SYNE2: variants seen among roughly 807,000 people sequenced by gnomAD.
The protein encoded by SYNE2 is spectrin repeat containing nuclear envelope protein 2.
SYNE2 carries 431 observed loss-of-function variants against 856.3 expected under a neutral mutation model. The observed-to-expected ratio is 0.50, with a 90% CI of 0.47 to 0.55. SYNE2 has a LOEUF of 0.55. SYNE2 is among the 20% of genes least tolerant of loss of function. The pLI, the probability that SYNE2 is intolerant of heterozygous loss-of-function variation, is 0.00. For synonymous variants in SYNE2, 2,923 were observed against 2,872.3 expected, an observed-to-expected ratio of 1.02 and a Z score of -0.56; for missense variants, 8,129 against 8,023.2, an observed-to-expected ratio of 1.01 and a Z score of -0.50.
At chr14:63,894,082 T>G (rs2095200155) in intron 1 of SYNE2, among the ~76,000 whole-genome samples, 1 of 152,220 alleles carries the variant, frequency 6.6e-6, no homozygotes, top group Non-Finnish European at 1.5e-5. Flanking sequence ...TATTTGTTTC[T>G]TTTCAGTTCT....
intron 2 of SYNE2, among the ~76,000 whole-genome samples, chr14:63,929,707 G>T (rs935808066): frequency 6.6e-6 from 1 of 151,494 alleles, no homozygotes; most frequent in Non-Finnish European, 1.5e-5. Flanking sequence ...GGAGGCGGAG[G>T]TTGCAGTGAG....
chr14:64,147,222 C>G (rs2098195424), intron 84 of SYNE2, among the ~76,000 whole-genome samples: 1 of 152,196 alleles, frequency 6.6e-6, no homozygotes, highest in East Asian at 1.9e-4. Context: ...GCCAGTCTGT[C>G]TCGGTCAGGC....
At position 64,054,045 on chromosome 14, in the gene SYNE2, C is replaced by T. The variant is rs201222716; in HGVS notation, c.9744+388C>T. Among the ~76,000 whole-genome samples the T allele has an allele frequency of 1.1e-4, 17 of 152,244 alleles. No individual in the cohort carries two copies. The East Asian group carries it at 3.3e-3, about 29-fold the overall frequency. ...TTTTATTTTGTGATTTTCTGTTTTG[C>T]TAATGTCTGTAATTCCAAAGAAGCT... On this transcript the variant is annotated intron_variant, in intron 48 of 115. Transcript: ENST00000555002.
chr14:64,061,396 A>G (rs897053850), intron 49 of SYNE2, among the ~76,000 whole-genome samples: 1 of 152,348 alleles, frequency 6.6e-6, no homozygotes, highest in East Asian at 1.9e-4. Flanking sequence ...GTAAATATCT[A>G]GGAGTGTGAT....
chr14:63,782,194 C>T (rs995770873), intron 1 of SYNE2, among the ~76,000 whole-genome samples: 21 of 150,852 alleles, frequency 1.4e-4, no homozygotes, highest in African/African-American at 5.1e-4. Context: ...TGATTGGGGG[C>T]CAGGCACAGT....
At position 64,070,924 on chromosome 14, in the gene SYNE2, A is replaced by G; in HGVS notation, c.10697+14A>G. 6.2e-7 allele frequency: 1 copy of G among 1,614,044 alleles called. No individual in the cohort carries two copies. Among genetic ancestry groups the G allele is most frequent in the Non-Finnish European group, 8.5e-7 (1 of 1,179,902 alleles). The stretch of plus-strand genomic sequence containing the variant: ...ACGATGCAACAAGTAAGATTTATGA[A>G]AAACTATTAAGGACGTGTGCTTGAC... On this transcript the variant is annotated intron_variant, in intron 52 of 115. Transcript: ENST00000555002.
chr14:64,116,706 G>A lies in SYNE2; in HGVS notation c.12841-2721G>A, dbSNP rs140906963. ...GCCGAGATTACAGGCATGAGCCACC[G>A]TGCCCGGCCAGTACCATTACTTTTA... is the stretch of plus-strand genomic sequence containing the variant. On this transcript the variant is annotated intron_variant, in intron 66 of 115. Transcript: ENST00000555002. 3.5e-3 allele frequency among the ~76,000 whole-genome samples: 532 copies of A among 152,262 alleles called. 3 individuals carry two copies. The highest frequency in any genetic ancestry group is 0.027 in the Middle Eastern group (8 of 294).
chr14:64,163,570 A>G lies in SYNE2; in HGVS notation c.16468A>G (p.Asn5490Asp), dbSNP rs776258589. Residue 5490 changes from asparagine to aspartate, a missense_variant, in exon 89 of 116, where the codon AAT becomes GAT. Asn to Asp is a conservative substitution (Grantham distance 23). Transcript: ENST00000555002. ...GGAAAAGATGCTGCTTGTGAAAGCA[A>G]ATGAATTTGAGGTTCATCTTTTCTT... is the stretch of plus-strand genomic sequence containing the variant. ...YLEKMLLVKA[N>D]EFEFVLSQFK... 6.2e-7 allele frequency: 1 copy of G among 1,614,132 alleles called. No homozygotes were observed. Among genetic ancestry groups the G allele is most frequent in the Non-Finnish European group, 8.5e-7 (1 of 1,180,028 alleles).
In SYNE2 at chr14:63,924,832, GTGTTTTTTTTT is replaced by G. The variant is rs1462487524; in HGVS notation, c.79+15607_79+15617del. Among the ~76,000 whole-genome samples, 202 of 92,850 alleles carry G rather than the reference GTGTTTTTTTTT, an allele frequency of 2.2e-3. 9 individuals carry two copies. The highest frequency in any genetic ancestry group is 7.8e-3 in the African/African-American group (173 of 22,192). The allele number at this position is 92,850 out of a possible 152,430, so 60.9% of individuals were successfully genotyped here. A position where few individuals can be genotyped will look rare whatever the true frequency, so the allele number is the denominator to read the frequency against. On this transcript the variant is annotated intron_variant, in intron 2 of 115. Coordinates refer to ENST00000555002, the MANE Select transcript of SYNE2 (RefSeq NM_182914.3). Reference sequence around the variant, plus strand: ...TTTAACTTTTTTCCTTCCAGCCTTGGTGTTTTTTTTTTTTTTTTTTTTTTTTTTTTTGCCTT... The same window carrying G: ...TTTAACTTTTTTCCTTCCAGCCTTGGTTTTTTTTTTTTTTTTTTTTGCCTT...
intron 96 of SYNE2, among the ~76,000 whole-genome samples, chr14:64,178,330 A>G (rs2098443774): frequency 6.6e-6 from 1 of 152,224 alleles, no homozygotes; most frequent in Non-Finnish European, 1.5e-5. Flanking sequence ...AAAAGTATAC[A>G]CACAGTTCAA....
intron 52 of SYNE2, among the ~76,000 whole-genome samples, chr14:64,071,267 G>A (rs1407134401): frequency 1.3e-5 from 2 of 152,102 alleles, no homozygotes; most frequent in African/African-American, 4.8e-5. Context: ...GGCTGAGGCG[G>A]GCAGATCACG....
chr14:64,095,994 G>A (rs1328666181), intron 61 of SYNE2, among the ~76,000 whole-genome samples: 1 of 152,084 alleles, frequency 6.6e-6, no homozygotes, highest in Non-Finnish European at 1.5e-5. Flanking sequence ...TGCCGTGTGA[G>A]AACACGACAA....
chr14:64,098,859 C>A, intron 63 of SYNE2, 38 bp downstream of exon 63: 4 of 1,597,418 alleles, frequency 2.5e-6, no homozygotes, highest in Non-Finnish European at 3.4e-6. Flanking sequence ...TTTGTTAGAA[C>A]CAGATCTCTA....
intron 86 of SYNE2, 24 bp downstream of exon 86, chr14:64,158,819 G>T: frequency 8.7e-6 from 14 of 1,612,850 alleles, no homozygotes; most frequent in Non-Finnish European, 1.2e-5. Context: ...AGCTTGGCAT[G>T]GTGCATTATT....
Position 64,010,177 on chromosome 14 carries a change from AAGAGATATTAT to A in SYNE2, c.4728+65_4728+75del, listed in dbSNP as rs375989164. 1.3e-4 allele frequency: 189 copies of A among 1,511,710 alleles called. 1 individual carries two copies. The highest frequency in any genetic ancestry group is 6.8e-4 in the Middle Eastern group (4 of 5,860). The allele number at this position is 1,511,710 out of a possible 1,614,324, so 93.6% of individuals were successfully genotyped here. A position where few individuals can be genotyped will look rare whatever the true frequency, so the allele number is the denominator to read the frequency against. ...GACCTCACTGACAGGCCTGGTAGTA[AAGAGATATTAT>A]AGATTAAGTCTTTTTTGAAACTTCG... On this transcript the variant is annotated intron_variant, in intron 32 of 115. Coordinates refer to ENST00000555002, the MANE Select transcript of SYNE2 (RefSeq NM_182914.3).
chr14:64,223,497 T>G, intron 113 of SYNE2, 117 bp downstream of exon 113: 1 of 1,113,110 alleles, frequency 9.0e-7, no homozygotes, highest in Non-Finnish European at 1.3e-6. Flanking sequence ...GTGGTCCGAG[T>G]GGGGCCTCAT....
Position 64,225,384 on chromosome 14 carries a change from TGCA to T in SYNE2, c.20585_20587del (p.Gln6862del), listed in dbSNP as rs765725066. 2.5e-6 allele frequency: 4 copies of T among 1,613,990 alleles called. No individual in the cohort carries two copies. The South Asian group carries it at 4.4e-5, about 18-fold the overall frequency. On this transcript the variant is annotated inframe_deletion, in exon 116 of 116. Coordinates refer to ENST00000555002, the MANE Select transcript of SYNE2 (RefSeq NM_182914.3). ...AGGGTGGTCCGGGCAGCCCTACCCC[TGCA>T]GCTGCTCCTCCTGCTGCTGCTGCTC...
At chr14:63,906,185 G>A (rs1328579516) in intron 1 of SYNE2, among the ~76,000 whole-genome samples, 1 of 152,146 alleles carries the variant, frequency 6.6e-6, no homozygotes, top group Non-Finnish European at 1.5e-5. Context: ...ACTTTTTTAT[G>A]TGCTGCTGGA....
chr14:64,200,135 G>GT (rs1449093986), intron 99 of SYNE2, among the ~76,000 whole-genome samples: 9 of 152,180 alleles, frequency 5.9e-5, no homozygotes, highest in African/African-American at 1.7e-4. Context: ...ATTGCTTTAA[G>GT]TTAGAAGAGA....
Sources: allele counts gnomAD v4.1 joint callset (sites outside exome capture counted in the v4.1 genomes callset), GRCh38; gene constraint gnomAD v4.1.1; transcripts MANE v1.5; gene names NCBI Gene and HGNC (gene_info 2026-07-23, HGNC 2026-07-21).